The following YAP1 variants were observed in gnomAD, a reference collection of about 807,000 sequenced individuals.
The protein encoded by YAP1 is transcriptional coactivator YAP1.
YAP1 carries 5 observed loss-of-function variants against 56.9 expected under a neutral mutation model. The ratio of observed to expected loss-of-function variants is 0.09; its 90% confidence interval spans 0.05 to 0.18. The LOEUF (loss-of-function observed/expected upper bound fraction) is 0.18. YAP1 is among the 10% of genes least tolerant of loss of function. The probability of loss-of-function intolerance (pLI) is 1.00; values close to 1 mark genes in which losing one functional copy is unlikely to be tolerated. For synonymous variants in YAP1, 265 were observed against 248.1 expected (o/e 1.07, Z -0.64); for missense variants, 539 against 651.8 (o/e 0.83, Z 1.88).
At chr11:102,199,249 G>A (rs1255934359) in intron 4 of YAP1, among the ~76,000 whole-genome samples, 1 of 152,276 alleles carries the variant, frequency 6.6e-6, no homozygotes, top group Admixed American at 6.5e-5. Flanking sequence ...CAAGGATTAA[G>A]TGAATTACCA....
chr11:102,230,038 A>G lies in YAP1; in HGVS notation c.*98A>G, dbSNP rs1950382044. The G allele has an allele frequency of 3.9e-6, 4 of 1,022,016 alleles. No individual in the cohort carries two copies. The highest frequency in any genetic ancestry group is 1.5e-5 in the South Asian group (1 of 66,196). 63.3% of individuals were successfully genotyped at this position (1,022,016 alleles called of 1,614,324 possible). ...CCAGTTGCAGTTTTCAGGCTAATACAGAAAAAGATGAACAAACGTCCAGCA... is the reference window on the plus strand; with the variant it reads ...CCAGTTGCAGTTTTCAGGCTAATACGGAAAAAGATGAACAAACGTCCAGCA... On this transcript the variant is annotated 3_prime_UTR_variant, in exon 9 of 9. Coordinates refer to ENST00000282441, the MANE Select transcript of YAP1 (RefSeq NM_001130145.3).
At position 102,111,180 on chromosome 11, in the gene YAP1, T is replaced by A; in HGVS notation, c.321+11T>A. ...TCCCACTCCCGACAGGTAACCTCGT[T>A]GCCCCTCTCCCCGTTTCCCCGTCGG... On this transcript the variant is annotated intron_variant, in intron 1 of 8. Coordinates refer to ENST00000282441, the MANE Select transcript of YAP1 (RefSeq NM_001130145.3). The A allele has an allele frequency of 6.2e-7, 1 of 1,610,216 alleles. No individual in the cohort carries two copies. The highest frequency in any genetic ancestry group is 8.5e-7 in the Non-Finnish European group (1 of 1,178,066).
At chr11:102,122,549 A>G (rs530789336) in intron 2 of YAP1, among the ~76,000 whole-genome samples, 4 of 152,314 alleles carry the variant, frequency 2.6e-5, no homozygotes, top group African/African-American at 9.6e-5. Context: ...TTTTTAGGGA[A>G]GTAACCTGTG....
At position 102,229,991 on chromosome 11, in the gene YAP1, A is replaced by T. The variant is rs1370520578; in HGVS notation, c.*51A>T. 6.6e-7 allele frequency: 1 copy of T among 1,506,678 alleles called. No individual in the cohort carries two copies. Among genetic ancestry groups the T allele is most frequent in the Admixed American group, 1.8e-5 (1 of 55,964 alleles). The allele number at this position is 1,506,678 out of a possible 1,614,324, so 93.3% of individuals were successfully genotyped here. On this transcript the variant is annotated 3_prime_UTR_variant, in exon 9 of 9. Coordinates refer to ENST00000282441, the MANE Select transcript of YAP1 (RefSeq NM_001130145.3). The stretch of plus-strand genomic sequence containing the variant: ...ATCTGTGAAGGATCTAAGGAGACAC[A>T]TGCACCGGAAATTTCCATAAGCCAG...
chr11:102,202,600 C>G (rs1948928746), intron 4 of YAP1, among the ~76,000 whole-genome samples: 1 of 151,762 alleles, frequency 6.6e-6, no homozygotes, highest in Non-Finnish European at 1.5e-5. Context: ...CTTACCTGTA[C>G]AAATTATGTT....
intron 2 of YAP1, among the ~76,000 whole-genome samples, chr11:102,119,820 G>C (rs957285533): frequency 2.2e-4 from 33 of 152,066 alleles, no homozygotes; most frequent in Non-Finnish European, 8.8e-5. Context: ...ACTCTAAACT[G>C]TTTTATTGCC....
At chr11:102,121,651 T>A (rs1430406733) in intron 2 of YAP1, among the ~76,000 whole-genome samples, 1 of 152,170 alleles carries the variant, frequency 6.6e-6, no homozygotes, top group African/African-American at 2.4e-5. Flanking sequence ...CCAAAGACTG[T>A]AGTATATATA....
chr11:102,216,489 T>C (rs1350542903), intron 6 of YAP1, among the ~76,000 whole-genome samples: 2 of 152,216 alleles, frequency 1.3e-5, no homozygotes, highest in African/African-American at 2.4e-5. Flanking sequence ...GCCAATTATA[T>C]TTCAATAATG....
At chr11:102,150,518 A>T (rs1348602664) in intron 2 of YAP1, among the ~76,000 whole-genome samples, 1 of 152,278 alleles carries the variant, frequency 6.6e-6, no homozygotes, top group South Asian at 2.1e-4. Context: ...GCATTATATA[A>T]TGTATGTGAT....
At chr11:102,115,089 C>A (rs1943197687) in intron 2 of YAP1, among the ~76,000 whole-genome samples, 1 of 152,054 alleles carries the variant, frequency 6.6e-6, no homozygotes. Context: ...TTTTTTCAGT[C>A]CTTTTGTGTT....
At chr11:102,182,760 T>G (rs1947703640) in intron 3 of YAP1, among the ~76,000 whole-genome samples, 1 of 152,348 alleles carries the variant, frequency 6.6e-6, no homozygotes, top group East Asian at 1.9e-4. Flanking sequence ...TGCGCAGCTT[T>G]CTTTCAGTAC....
chr11:102,174,236 C>A (rs1947095954), intron 3 of YAP1, among the ~76,000 whole-genome samples: 1 of 152,080 alleles, frequency 6.6e-6, no homozygotes, highest in South Asian at 2.1e-4. Context: ...TGAGTGGTTC[C>A]ATCATTTCAT....
intron 2 of YAP1, among the ~76,000 whole-genome samples, chr11:102,143,275 G>A (rs546584442): frequency 1.3e-5 from 2 of 152,086 alleles, no homozygotes; most frequent in East Asian, 3.9e-4. Flanking sequence ...AATTAAACTG[G>A]GGCACTTGCT....
intron 2 of YAP1, among the ~76,000 whole-genome samples, chr11:102,159,606 A>G (rs542097928): frequency 3.3e-5 from 5 of 152,316 alleles, no homozygotes; most frequent in Admixed American, 3.3e-4. Context: ...TAGCAACAGA[A>G]TGAAATTTTT....
chr11:102,183,702 C>G lies in YAP1; in HGVS notation c.689-2316C>G, dbSNP rs200753571. On this transcript the variant is annotated intron_variant, in intron 3 of 8. Transcript: ENST00000282441. ...GCTAAGGTGGGGAATAATGCTGTTT[C>G]TGTGTGTGTGTGTGTGTGTGTGTGT... is the stretch of plus-strand genomic sequence containing the variant. Among the ~76,000 whole-genome samples, 13 of 141,714 alleles carry G rather than the reference C, an allele frequency of 9.2e-5. No individual in the cohort carries two copies. The South Asian group carries it at 9.3e-4, about 10-fold the overall frequency. The allele number at this position is 141,714 out of a possible 152,430, so 93.0% of individuals were successfully genotyped here.
intron 2 of YAP1, among the ~76,000 whole-genome samples, chr11:102,140,908 T>A (rs1430461151): frequency 6.6e-6 from 1 of 152,070 alleles, no homozygotes; most frequent in Non-Finnish European, 1.5e-5. Context: ...GGTGAAATAG[T>A]GAGTTTCTTA....
At chr11:102,140,553 T>C (rs1464730150) in intron 2 of YAP1, among the ~76,000 whole-genome samples, 1 of 152,134 alleles carries the variant, frequency 6.6e-6, no homozygotes, top group Admixed American at 6.5e-5. Flanking sequence ...CTTTTAAAAA[T>C]GACATCTTAG....
intron 2 of YAP1, among the ~76,000 whole-genome samples, chr11:102,148,692 C>T (rs952708888): frequency 7.2e-5 from 11 of 152,152 alleles, no homozygotes; most frequent in African/African-American, 2.7e-4. Context: ...ACATCAGTAT[C>T]TGAAATGCCT....
chr11:102,219,824 C>T (rs961901821), intron 6 of YAP1, among the ~76,000 whole-genome samples: 1 of 151,902 alleles, frequency 6.6e-6, no homozygotes, highest in Non-Finnish European at 1.5e-5. Context: ...AGTGCAGTGG[C>T]GCAATCTCAG....
Sources: gnomAD v4.1 joint callset for allele counts (sites outside exome capture counted in the v4.1 genomes callset) on GRCh38, gnomAD v4.1.1 for gene constraint, MANE v1.5 for transcripts, NCBI Gene and HGNC (gene_info 2026-07-23, HGNC 2026-07-21) for gene names.